FAM200B: variants seen among roughly 807,000 people sequenced by gnomAD.
FAM200B encodes the protein zinc finger BED-type containing 11, also known as protein FAM200B.
A neutral mutation model predicts 33.1 loss-of-function variants in FAM200B; 32 were observed. The observed-to-expected ratio is 0.97, with a 90% CI of 0.73 to 1.30. The LOEUF (loss-of-function observed/expected upper bound fraction) is 1.30. FAM200B is among the 50% of genes most tolerant of loss of function. The probability of loss-of-function intolerance (pLI) is 0.00; values close to 1 mark genes in which losing one functional copy is unlikely to be tolerated. For missense variants in FAM200B, 741 were observed against 754.0 expected, an observed-to-expected ratio of 0.98 and a Z score of 0.20; for synonymous variants, 240 against 264.8, an observed-to-expected ratio of 0.91 and a Z score of 0.91.
the FAM200B span, among the ~76,000 whole-genome samples, chr4:15,662,967 C>A: frequency 2.7e-4 from 41 of 152,172 alleles, no homozygotes; most frequent in African/African-American, 9.6e-4. Context: ...GCATATTGAC[C>A]TAGTGTGCAG....
the FAM200B span, chr4:15,656,238 T>C: frequency 2.2e-6 from 1 of 456,170 alleles, no homozygotes; most frequent in Non-Finnish European, 4.4e-6. Flanking sequence ...CCCAGGAAAA[T>C]GTCTGCCTCT....
chr4:15,650,250 G>C, the FAM200B span, among the ~76,000 whole-genome samples: 1 of 152,312 alleles, frequency 6.6e-6, no homozygotes, highest in Admixed American at 6.5e-5. Flanking sequence ...CTTTGGTTAA[G>C]AAATGTTGCT....
At position 15,690,406 on chromosome 4, in the gene FAM200B, TTTC is replaced by T. The variant is rs1221450816; in HGVS notation, c.*1458_*1460del. ...CTGTTCTATTGAAGGTAATTGATTT[TTTC>T]TTTTTTTTTAATGCTTGAAATAAAG... is the stretch of plus-strand genomic sequence containing the variant. On this transcript the variant is annotated 3_prime_UTR_variant, in exon 2 of 2. Coordinates refer to ENST00000422728, the MANE Select transcript of FAM200B (RefSeq NM_001145191.2). The T allele has an allele frequency of 3.0e-5, 5 of 166,190 alleles. No homozygotes were observed. The highest frequency in any genetic ancestry group is 1.2e-4 in the African/African-American group (5 of 41,442). 10.3% of individuals were successfully genotyped at this position (166,190 alleles called of 1,614,324 possible).
At chr4:15,650,260 T>G in the FAM200B span, among the ~76,000 whole-genome samples, 1 of 152,174 alleles carries the variant, frequency 6.6e-6, no homozygotes, top group Non-Finnish European at 1.5e-5. Flanking sequence ...GAAATGTTGC[T>G]CTAGAAAACT....
the FAM200B span, among the ~76,000 whole-genome samples, chr4:15,650,464 C>A: frequency 6.6e-6 from 1 of 152,076 alleles, no homozygotes; most frequent in African/African-American, 2.4e-5. Context: ...TTATGACCTA[C>A]TACTAATAGG....
upstream of FAM200B, among the ~76,000 whole-genome samples, chr4:15,676,682 A>G (rs1169444361): frequency 2.7e-5 from 4 of 150,184 alleles, no homozygotes; most frequent in African/African-American, 4.9e-5. Context: ...GTATATGTGA[A>G]TGAGTATTAC....
the FAM200B span, chr4:15,640,681 C>A: frequency 1.9e-6 from 1 of 535,166 alleles, no homozygotes; most frequent in South Asian, 3.4e-5. Context: ...TTCTTCTCTC[C>A]ATCAACCAGA....
At chr4:15,675,228 C>T in the FAM200B span, among the ~76,000 whole-genome samples, 4 of 152,000 alleles carry the variant, frequency 2.6e-5, no homozygotes, top group African/African-American at 7.3e-5. Flanking sequence ...TATTTTGTTC[C>T]ATAATTCATT....
chr4:15,639,025 G>T, the FAM200B span, among the ~76,000 whole-genome samples: 2 of 152,152 alleles, frequency 1.3e-5, no homozygotes, highest in Non-Finnish European at 2.9e-5. Flanking sequence ...GTAGCCGGGC[G>T]TGGTGGCGCA....
chr4:15,672,464 T>G, the FAM200B span, among the ~76,000 whole-genome samples: 1 of 152,254 alleles, frequency 6.6e-6, no homozygotes. Flanking sequence ...GCACTGCCTA[T>G]AGTTTTTAGG....
At chr4:15,659,075 G>A in the FAM200B span, among the ~76,000 whole-genome samples, 1 of 152,098 alleles carries the variant, frequency 6.6e-6, no homozygotes. Context: ...TCCCTCCTGT[G>A]CTTTAACTAA....
rs140071217 is a variant in FAM200B, at chr4:15,685,442, G to A, written c.-742-794G>A. 5.5e-3 allele frequency among the ~76,000 whole-genome samples: 831 copies of A among 152,244 alleles called. 6 individuals carry two copies. Among genetic ancestry groups the A allele is most frequent in the African/African-American group, 0.019 (793 of 41,542 alleles). On this transcript the variant is annotated intron_variant, in intron 1 of 1. Coordinates refer to ENST00000422728, the MANE Select transcript of FAM200B (RefSeq NM_001145191.2). ...TTGGCTAGTTGAAATAATTTTGGCC[G>A]ACTTCGGGCGTAGGGGATATCCCTA... is the stretch of plus-strand genomic sequence containing the variant.
the FAM200B span, among the ~76,000 whole-genome samples, chr4:15,663,227 A>G: frequency 6.6e-6 from 1 of 152,332 alleles, no homozygotes; most frequent in African/African-American, 2.4e-5. Context: ...TACATTGATA[A>G]TAGTCATTCA....
chr4:15,666,821 A>T, the FAM200B span, among the ~76,000 whole-genome samples: 1 of 152,018 alleles, frequency 6.6e-6, no homozygotes, highest in East Asian at 1.9e-4. Context: ...TACCTGTCTC[A>T]ACAAACAAAA....
At position 15,688,953 on chromosome 4, in the gene FAM200B, A is replaced by C; in HGVS notation, c.*2A>C. On this transcript the variant is annotated 3_prime_UTR_variant, in exon 2 of 2. Coordinates refer to ENST00000422728, the MANE Select transcript of FAM200B (RefSeq NM_001145191.2). ...AACAGGCAAGCACACCCATCATAGTAAATAAAAATCTTACCTAGCTTTTGT... is the reference window on the plus strand; with the variant it reads ...AACAGGCAAGCACACCCATCATAGTCAATAAAAATCTTACCTAGCTTTTGT... 7.0e-7 allele frequency: 1 copy of C among 1,428,500 alleles called. No individual in the cohort carries two copies. Among genetic ancestry groups the C allele is most frequent in the Non-Finnish European group, 9.2e-7 (1 of 1,085,422 alleles). The allele number at this position is 1,428,500 out of a possible 1,614,324, so 88.5% of individuals were successfully genotyped here. A position where few individuals can be genotyped will look rare whatever the true frequency, so the allele number is the denominator to read the frequency against.
chr4:15,652,574 A>G, the FAM200B span, among the ~76,000 whole-genome samples: 2 of 152,210 alleles, frequency 1.3e-5, no homozygotes, highest in African/African-American at 4.8e-5. Flanking sequence ...TAAGACATAC[A>G]TCTGTCAGCT....
chr4:15,659,734 C>T, the FAM200B span: 1 of 985,060 alleles, frequency 1.0e-6, no homozygotes, highest in Non-Finnish European at 1.2e-6. Flanking sequence ...TACCTTGCGT[C>T]ATTTACCTCT....
upstream of FAM200B, among the ~76,000 whole-genome samples, chr4:15,677,021 C>T (rs78222906): frequency 0.017 from 2,555 of 152,144 alleles, 72 homozygotes; most frequent in African/African-American, 0.058. Flanking sequence ...ACTACAACTC[C>T]GTTTATATTA....
the FAM200B span, among the ~76,000 whole-genome samples, chr4:15,654,164 A>G: frequency 6.6e-6 from 1 of 152,302 alleles, no homozygotes; most frequent in East Asian, 1.9e-4. Flanking sequence ...TTTTCTGTAG[A>G]CAATGGTTCT....
Sources: gnomAD v4.1 joint callset for allele counts (sites outside exome capture counted in the v4.1 genomes callset) on GRCh38, gnomAD v4.1.1 for gene constraint, MANE v1.5 for transcripts, NCBI Gene and HGNC (gene_info 2026-07-23, HGNC 2026-07-21) for gene names.